Variants in ITGA7 observed in about 807,000 individuals in gnomAD.
The protein encoded by ITGA7 is integrin alpha-7.
Under a neutral mutation model 131.6 loss-of-function variants are expected in ITGA7, and 84 were observed. The ratio of observed to expected loss-of-function variants is 0.64; its 90% CI spans 0.54 to 0.77. The LOEUF is 0.77. Ranked by LOEUF, ITGA7 falls within the 30% of genes least tolerant of loss-of-function variation. ITGA7 has a pLI of 0.00. For missense variants in ITGA7, 1,399 were observed against 1,482.9 expected (o/e 0.94, Z 0.93); for synonymous variants, 548 against 600.7 (o/e 0.91, Z 1.28).
At chr12:55,687,313 G>A (rs1870404408) in intron 24 of ITGA7, among the ~76,000 whole-genome samples, 1 of 147,158 alleles carries the variant, frequency 6.8e-6, no homozygotes, top group Non-Finnish European at 1.5e-5. Context: ...AAGTAGCTGG[G>A]ATTACAGGCA....
chr12:55,684,815 C>T lies in ITGA7; in HGVS notation c.*243G>A, dbSNP rs1869717536. ...CTCCCCACCTTTGCATCAGGACACC[C>T]CTGCCCTTCTCACCCTACCCCATGG... On this transcript the variant is annotated 3_prime_UTR_variant, in exon 25 of 25. Transcript: ENST00000257879. 1.8e-6 allele frequency: 1 copy of T among 554,802 alleles called. No homozygotes were observed. The highest frequency in any genetic ancestry group is 3.2e-6 in the Non-Finnish European group (1 of 312,060). 34.4% of individuals were successfully genotyped at this position (554,802 alleles called of 1,614,324 possible). A position where few individuals can be genotyped will look rare whatever the true frequency, so the allele number is the denominator to read the frequency against.
chr12:55,695,556 G>C lies in ITGA7; in HGVS notation c.1969C>G (p.Arg657Gly). Reference protein sequence around the residue: ...LQLVRARFCTRVSDTEFQPLP... With the variant: ...LQLVRARFCTGVSDTEFQPLP... ...GGTTGGAATTCCGTGTCGCTGACCC[G>C]GGTACAGAAGCGGGCGCGGACCAGC... The change falls in exon 14 of 25, where the codon CGG (arginine) becomes GGG (glycine). Residue 657 changes from arginine to glycine, a missense_variant. Transcript: ENST00000257879. The C allele has an allele frequency of 1.3e-6, 2 of 1,599,668 alleles. No homozygotes were observed. Among genetic ancestry groups the C allele is most frequent in the Non-Finnish European group, 8.5e-7 (1 of 1,170,786 alleles).
upstream of ITGA7, among the ~76,000 whole-genome samples, chr12:55,711,325 A>G (rs1195942535): frequency 2.6e-5 from 4 of 152,134 alleles, no homozygotes; most frequent in African/African-American, 9.7e-5. Context: ...TAAAAATACA[A>G]AAATCAGCTG....
chr12:55,698,563 T>A lies in ITGA7; in HGVS notation c.1012A>T (p.Ile338Leu). Residue 338 changes from isoleucine to leucine, a missense_variant, in exon 7 of 25, where the codon ATA becomes TTA. Transcript: ENST00000257879. Reference protein sequence around the residue: ...DLNSDGWPDLIVGAPYFFERQ... With the variant: ...DLNSDGWPDLLVGAPYFFERQ... ...TCAAAGAAGTAGGGGGCACCCACTA[T>A]CAGGTCTGGCCAGCTATGGAGAGAG... 1 of 1,614,058 alleles carries A rather than the reference T, an allele frequency of 6.2e-7. No homozygotes were observed. The highest frequency in any genetic ancestry group is 1.1e-5 in the South Asian group (1 of 91,078).
intron 21 of ITGA7, among the ~76,000 whole-genome samples, chr12:55,691,465 G>A (rs1056955073): frequency 6.6e-6 from 1 of 152,186 alleles, no homozygotes; most frequent in African/African-American, 2.4e-5. Context: ...GAATCACTAA[G>A]AGAATAGATT....
rs570999139 is a variant in ITGA7, at chr12:55,696,965, G to A, written c.1671C>T (p.Ala557=). Residue 557 remains alanine (A), a synonymous_variant, in exon 12 of 25, where the codon GCC becomes GCT. Transcript: ENST00000257879. The part of the protein sequence containing the change: ...SRNLEEPKHQ[A]SGTVWLKHQH... ...GGTGCTTCAGCCACACGGTGCCCGA[G>A]GCCTGGTGCTTGGGTTCTTCCAGGT... 33 of 1,614,052 alleles carry A rather than the reference G, an allele frequency of 2.0e-5. No homozygotes were observed. Among genetic ancestry groups the A allele is most frequent in the Non-Finnish European group, 2.7e-5 (32 of 1,180,044 alleles).
chr12:55,698,792 C>T lies in ITGA7; in HGVS notation c.916G>A (p.Val306Met). The T allele has an allele frequency of 1.2e-6, 2 of 1,614,108 alleles. No homozygotes were observed. The highest frequency in any genetic ancestry group is 1.7e-6 in the Non-Finnish European group (2 of 1,180,012). ...ILRKDSASRLVPEVMLSGERL... is the reference protein window; with the variant it reads ...ILRKDSASRLMPEVMLSGERL... ...TCCCCAGACAGCATAACCTCGGGCA[C>T]CAGGCGACTGGCGCTGTCCTTGCGC... is the stretch of plus-strand genomic sequence containing the variant. Residue 306 changes from valine to methionine, a missense_variant, in exon 6 of 25, where the codon GTG becomes ATG. Val to Met is a conservative substitution (Grantham distance 21). Transcript: ENST00000257879.
At chr12:55,697,904 A>C (rs753125630) in intron 8 of ITGA7, 34 bp downstream of exon 8, 1 of 1,613,580 alleles carries the variant, frequency 6.2e-7, no homozygotes, top group Admixed American at 1.7e-5. Context: ...GATTCCACCC[A>C]CACCCATTCC....
intron 5 of ITGA7, chr12:55,699,575 G>C (rs1032293461): frequency 1.1e-5 from 5 of 469,356 alleles, no homozygotes; most frequent in African/African-American, 9.9e-5. Context: ...AGTCCCCCTA[G>C]AAGACAGGAC....
rs866930570 is a variant in ITGA7 at position 55,695,730 on chromosome 12, G to T, written c.1888-93C>A. 3.4e-5 allele frequency: 29 copies of T among 852,682 alleles called. No individual in the cohort carries two copies. In the Middle Eastern group the frequency reaches 1.1e-3, roughly 32 times the overall value. 52.8% of individuals were successfully genotyped at this position (852,682 alleles called of 1,614,324 possible). On this transcript the variant is annotated intron_variant, in intron 13 of 24. Coordinates refer to ENST00000257879, the MANE Select transcript of ITGA7 (RefSeq NM_002206.3). The stretch of plus-strand genomic sequence containing the variant: ...CATATGGTGGGTTAGAGTATCACAG[G>T]ATTAAACAACCTGTCCTCAACTCTC...
At chr12:55,709,541 G>A (rs1047139404), upstream of ITGA7, among the ~76,000 whole-genome samples, 1 of 152,120 alleles carries the variant, frequency 6.6e-6, no homozygotes, top group African/African-American at 2.4e-5. Flanking sequence ...AGCAGGGCTG[G>A]CACCAGGATT....
chr12:55,694,083 T>A lies in ITGA7; in HGVS notation c.2473A>T (p.Arg825Trp). The part of the protein sequence containing the change: ...PQQLFFSGVV[R>W]GERAMQSERD... ...TCAGACTGCATGGCTCTCTCGCCCC[T>A]CACCACACCAGAGAAGAAGAGTTGC... The change falls in exon 19 of 25, where the codon AGG becomes TGG. Residue 825 changes from arginine to tryptophan, a missense_variant. Physicochemically the swap from Arg to Trp is moderately radical, Grantham distance 101. Coordinates refer to ENST00000257879, the MANE Select transcript of ITGA7 (RefSeq NM_002206.3). The surrounding 1 kb of genome is among the most constrained non-coding windows in gnomAD (Gnocchi z 5.3). 6.2e-7 allele frequency: 1 copy of A among 1,614,188 alleles called. No individual in the cohort carries two copies. The highest frequency in any genetic ancestry group is 1.7e-5 in the Admixed American group (1 of 60,030).
At chr12:55,716,150 C>T (rs145902560), upstream of ITGA7, 11 of 1,612,548 alleles carry the variant, frequency 6.8e-6, no homozygotes, top group African/African-American at 1.1e-4. Flanking sequence ...TGTCCCGCCT[C>T]CTAAAAGAAC....
upstream of ITGA7, among the ~76,000 whole-genome samples, chr12:55,712,758 A>G (rs1876227590): frequency 6.6e-6 from 1 of 152,212 alleles, no homozygotes; most frequent in African/African-American, 2.4e-5. Flanking sequence ...AAAGGCCCAG[A>G]AAAAGAACAG....
chr12:55,696,217 G>C (rs923164237), intron 13 of ITGA7, 66 bp downstream of exon 13: 1 of 1,493,176 alleles, frequency 6.7e-7, no homozygotes, highest in African/African-American at 1.4e-5. Flanking sequence ...TGGTGTCACT[G>C]GGGAGGGACC....
chr12:55,707,915 G>A, upstream of ITGA7: 1 of 1,390,692 alleles, frequency 7.2e-7, no homozygotes, highest in South Asian at 1.5e-5. Context: ...TCCGGCTCCC[G>A]CCTCCTCTCC....
In ITGA7 at chr12:55,702,855, T is replaced by C. The variant is rs777624181; in HGVS notation, c.414+17A>G. ...CACACCCCATCCGTGCATTCAGTCA[T>C]GAGAAGCAATACTCACAACAATCTT... On this transcript the variant is annotated intron_variant, in intron 3 of 24. Transcript: ENST00000257879. The C allele has an allele frequency of 2.4e-5, 38 of 1,605,620 alleles. No individual in the cohort carries two copies. The Admixed American group carries it at 2.5e-4, about 11-fold the overall frequency.
upstream of ITGA7, chr12:55,716,225 C>T: frequency 2.5e-6 from 4 of 1,583,976 alleles, no homozygotes; most frequent in Non-Finnish European, 2.6e-6. Context: ...CGGCCGTTTT[C>T]TCTTCGGCCG....
rs750996292 is a variant in ITGA7, at chr12:55,698,913, G to A, written c.795C>T (p.Phe265=). ...GDLALNSYLG[F]SIDSGKGLVR... ...CCAGACCTTTCCCCGAGTCAATAGA[G>A]AAGCCTGGGGGAAGGGTGACTTACC... Residue 265 remains phenylalanine (F), a synonymous_variant, in exon 6 of 25, where the codon TTC becomes TTT. Coordinates refer to ENST00000257879, the MANE Select transcript of ITGA7 (RefSeq NM_002206.3). 4.4e-5 allele frequency: 71 copies of A among 1,609,864 alleles called. No individual in the cohort carries two copies. In the Middle Eastern group the frequency reaches 6.6e-4, roughly 15 times the overall value.
Sources: allele counts gnomAD v4.1 joint callset (sites outside exome capture counted in the v4.1 genomes callset), GRCh38; gene constraint gnomAD v4.1.1; non-coding constraint Gnocchi (gnomAD v3.1); transcripts MANE v1.5; gene names NCBI Gene and HGNC (gene_info 2026-07-23, HGNC 2026-07-21).